The following NLK variants were observed in gnomAD, a reference collection of about 807,000 sequenced individuals.
NLK encodes serine/threonine-protein kinase NLK.
Under a neutral mutation model 59.0 loss-of-function variants are expected in NLK, and 11 were observed. That is an observed-to-expected ratio of 0.19 (90% CI 0.12 to 0.31). The LOEUF is 0.31. Among genes scored for constraint, NLK ranks in the 10% least tolerant of loss-of-function variants. NLK has a pLI of 1.00. For missense variants in NLK, 410 were observed against 661.1 expected, an observed-to-expected ratio of 0.62 and a Z score of 4.16; for synonymous variants, 235 against 235.9, an observed-to-expected ratio of 1.00 and a Z score of 0.03.
intron 5 of NLK, among the ~76,000 whole-genome samples, chr17:28,164,507 T>C (rs1395435160): frequency 6.6e-6 from 1 of 152,158 alleles, no homozygotes; most frequent in Non-Finnish European, 1.5e-5. Context: ...TTATATTTAG[T>C]AGTTCCAAAA....
chr17:28,111,627 G>A (rs1905482808), intron 1 of NLK, among the ~76,000 whole-genome samples: 1 of 152,086 alleles, frequency 6.6e-6, no homozygotes, highest in Non-Finnish European at 1.5e-5. Context: ...TCTGACGGTT[G>A]TCATTATTGT....
chr17:28,186,242 A>G (rs964204345), intron 8 of NLK, among the ~76,000 whole-genome samples: 1 of 152,228 alleles, frequency 6.6e-6, no homozygotes, highest in African/African-American at 2.4e-5. Flanking sequence ...GAAGATATCA[A>G]ATTCACAAAG....
At position 28,196,317 on chromosome 17, in the gene NLK, G is replaced by A. The variant is rs1597732218; in HGVS notation, c.*1681G>A. 6.6e-6 allele frequency: 1 copy of A among 152,500 alleles called. No individual in the cohort carries two copies. The highest frequency in any genetic ancestry group is 2.4e-5 in the African/African-American group (1 of 41,398). 9.4% of individuals were successfully genotyped at this position (152,500 alleles called of 1,614,324 possible). A position where few individuals can be genotyped will look rare whatever the true frequency, so the allele number is the denominator to read the frequency against. On this transcript the variant is annotated 3_prime_UTR_variant, in exon 11 of 11. Transcript: ENST00000407008. ...GGTCAATTACCGTGGCACACTTTCTGGTCACTTTGTACAATGTAGATTTGA... is the reference window on the plus strand; with the variant it reads ...GGTCAATTACCGTGGCACACTTTCTAGTCACTTTGTACAATGTAGATTTGA...
At chr17:28,131,822 C>T (rs1597699750) in intron 2 of NLK, among the ~76,000 whole-genome samples, 2 of 152,242 alleles carry the variant, frequency 1.3e-5, no homozygotes, top group African/African-American at 4.8e-5. Flanking sequence ...CTTTTTTCCT[C>T]ACCCTAGTGA....
In NLK at chr17:28,179,417, A is replaced by T. The variant is rs75102243; in HGVS notation, c.1150-5762A>T. Among the ~76,000 whole-genome samples, 5 of 146,616 alleles carry T rather than the reference A, an allele frequency of 3.4e-5. No individual in the cohort carries two copies. In the East Asian group the frequency reaches 7.7e-4, roughly 23 times the overall value. The stretch of plus-strand genomic sequence containing the variant: ...GCCTTTTTTATTTTATTTTATTTTT[A>T]TTTTATTTTATTTTAAGAGAGAGGG... On this transcript the variant is annotated intron_variant, in intron 7 of 10. Transcript: ENST00000407008.
intron 7 of NLK, among the ~76,000 whole-genome samples, chr17:28,173,328 T>A (rs1463699741): frequency 6.6e-6 from 1 of 152,168 alleles, no homozygotes; most frequent in Non-Finnish European, 1.5e-5. Context: ...CAACAAATTT[T>A]CCTGAGTTTT....
chr17:28,128,014 G>T (rs191456229), intron 2 of NLK, among the ~76,000 whole-genome samples: 1 of 151,612 alleles, frequency 6.6e-6, no homozygotes, highest in Non-Finnish European at 1.5e-5. Flanking sequence ...TAATCCAGTC[G>T]GGAATGGATG....
chr17:28,079,084 CATTT>C (rs1246816958), intron 1 of NLK, among the ~76,000 whole-genome samples: 2 of 152,152 alleles, frequency 1.3e-5, no homozygotes, highest in African/African-American at 4.8e-5. Context: ...TATTTATATT[CATTT>C]GACTACTTTA....
chr17:28,046,268 A>G (rs1375311052), intron 1 of NLK, among the ~76,000 whole-genome samples: 1 of 152,228 alleles, frequency 6.6e-6, no homozygotes, highest in East Asian at 1.9e-4. Flanking sequence ...ACTTATCAGT[A>G]TTGGACAGTT....
At chr17:28,152,765 A>G (rs1415293165) in intron 3 of NLK, among the ~76,000 whole-genome samples, 1 of 151,982 alleles carries the variant, frequency 6.6e-6, no homozygotes, top group Non-Finnish European at 1.5e-5. Context: ...CCGGGACTAC[A>G]GGTGCAGGCC....
At chr17:28,118,616 G>A (rs1181576138) in intron 1 of NLK, among the ~76,000 whole-genome samples, 3 of 152,106 alleles carry the variant, frequency 2.0e-5, no homozygotes, top group Non-Finnish European at 4.4e-5. Flanking sequence ...TTGTGGCAGT[G>A]TTCCGTTTTC....
At position 28,168,553 on chromosome 17, in the gene NLK, A is replaced by G. The variant is rs1908336918; in HGVS notation, c.943A>G (p.Ser315Gly). Residue 315 changes from serine (S) to glycine (G), a missense_variant, in exon 6 of 11, where the codon AGC (serine) becomes GGC (glycine). Physicochemically the swap from Ser to Gly is moderately conservative, Grantham distance 56. This residue lies in a region of NLK where 150 missense variants were observed against 244.3 expected (regional missense o/e 0.61). Transcript: ENST00000407008. ...TCGGGCTCCAGAAATCCTGATGGGC[A>G]GCCGTCATTACAGCAATGCTATTGA... is the stretch of plus-strand genomic sequence containing the variant. ...YYRAPEILMG[S>G]RHYSNAIDIW... 6.2e-7 allele frequency: 1 copy of G among 1,613,708 alleles called. No individual in the cohort carries two copies. The highest frequency in any genetic ancestry group is 1.6e-4 in the Middle Eastern group (1 of 6,062).
chr17:28,137,204 T>C (rs1206411146), intron 3 of NLK, among the ~76,000 whole-genome samples: 2 of 152,148 alleles, frequency 1.3e-5, no homozygotes, highest in East Asian at 1.9e-4. Flanking sequence ...CAGTAGATAA[T>C]ATTTTGAATT....
intron 2 of NLK, among the ~76,000 whole-genome samples, chr17:28,131,866 A>C (rs1464360559): frequency 6.6e-6 from 1 of 152,174 alleles, no homozygotes; most frequent in Admixed American, 6.5e-5. Context: ...GAATAAAATC[A>C]AAAATGCTTA....
rs539992125 is a variant in NLK at position 28,138,634 on chromosome 17, T to C, written c.644+5959T>C. Among the ~76,000 whole-genome samples the C allele has an allele frequency of 4.5e-4, 69 of 152,356 alleles. 4 individuals carry two copies. The highest frequency in any genetic ancestry group is 1.4e-3 in the South Asian group (7 of 4,834). ...GAACAATGGAAACAAAATGCATATATGCTTATGTAAGTGTACTCTTTCTTC... is the reference window on the plus strand; with the variant it reads ...GAACAATGGAAACAAAATGCATATACGCTTATGTAAGTGTACTCTTTCTTC... On this transcript the variant is annotated intron_variant, in intron 3 of 10. Coordinates refer to ENST00000407008, the MANE Select transcript of NLK (RefSeq NM_016231.5).
At chr17:28,090,741 T>A in intron 1 of NLK, among the ~76,000 whole-genome samples, 1 of 152,094 alleles carries the variant, frequency 6.6e-6, no homozygotes, top group South Asian at 2.1e-4. Context: ...TTTTGCTGGG[T>A]ATGCAATTTT....
At chr17:28,073,139 C>T (rs1329437984) in intron 1 of NLK, among the ~76,000 whole-genome samples, 1 of 151,972 alleles carries the variant, frequency 6.6e-6, no homozygotes, top group Non-Finnish European at 1.5e-5. Context: ...ACAAAGGGTG[C>T]AGACTTACTA....
chr17:28,050,595 T>C (rs1909218266), intron 1 of NLK, among the ~76,000 whole-genome samples: 1 of 152,018 alleles, frequency 6.6e-6, no homozygotes, highest in Non-Finnish European at 1.5e-5. Flanking sequence ...TAAGAGAGAC[T>C]TCGTCAGATT....
intron 1 of NLK, among the ~76,000 whole-genome samples, chr17:28,088,490 G>C (rs1304480159): frequency 6.6e-6 from 1 of 152,032 alleles, no homozygotes; most frequent in Non-Finnish European, 1.5e-5. Flanking sequence ...TAATTTGTTT[G>C]CTTTATTCAT....
Sources: gnomAD v4.1 joint callset for allele counts (sites outside exome capture counted in the v4.1 genomes callset) on GRCh38, gnomAD v4.1.1 for gene constraint, gnomAD v4.1.1 regional missense constraint, MANE v1.5 for transcripts, NCBI Gene and HGNC (gene_info 2026-07-23, HGNC 2026-07-21) for gene names.